The following CNIH3 variants were observed in gnomAD, a reference collection of about 807,000 sequenced individuals.
CNIH3 encodes the protein cornichon family AMPA receptor auxiliary protein 3.
In CNIH3, 14 loss-of-function variants were observed where a neutral mutation model predicts 24.1. That is an observed-to-expected ratio of 0.58 (90% CI 0.38 to 0.91). CNIH3 has a LOEUF of 0.91. Ranked by LOEUF, CNIH3 falls within the 40% of genes least tolerant of loss-of-function variation. CNIH3 has a pLI of 0.00. For synonymous variants in CNIH3, 68 were observed against 73.8 expected (o/e 0.92, Z 0.40); for missense variants, 178 against 196.8 (o/e 0.90, Z 0.57).
At chr1:224,469,988 C>G (rs1308539193) in intron 1 of CNIH3, among the ~76,000 whole-genome samples, 1 of 151,240 alleles carries the variant, frequency 6.6e-6, no homozygotes, top group African/African-American at 2.4e-5. Flanking sequence ...ATAATTTAAA[C>G]TTGGCAGTTC....
At chr1:224,452,587 C>T (rs1168611369) in intron 1 of CNIH3, among the ~76,000 whole-genome samples, 1 of 149,472 alleles carries the variant, frequency 6.7e-6, no homozygotes, top group African/African-American at 2.5e-5. Context: ...TGAGACCATC[C>T]TGGCTAACAC....
chr1:224,628,758 A>T (rs1683668873), intron 1 of CNIH3, among the ~76,000 whole-genome samples: 1 of 152,068 alleles, frequency 6.6e-6, no homozygotes, highest in African/African-American at 2.4e-5. Flanking sequence ...CATGAGGGGA[A>T]GGGAGGTGGG....
At chr1:224,713,212 A>G (rs1688252260) in intron 3 of CNIH3, among the ~76,000 whole-genome samples, 1 of 152,210 alleles carries the variant, frequency 6.6e-6, no homozygotes, top group South Asian at 2.1e-4. Flanking sequence ...TGAAATCATA[A>G]TCAATGCACC....
intron 2 of CNIH3, chr1:224,521,362 G>A (rs892787627): frequency 1.8e-5 from 2 of 111,078 alleles, no homozygotes; most frequent in Non-Finnish European, 3.9e-5. Context: ...GCACATGATA[G>A]GGGTTGTCAC....
upstream of CNIH3, among the ~76,000 whole-genome samples, chr1:224,614,557 G>C (rs1490531450): frequency 6.6e-6 from 1 of 152,162 alleles, no homozygotes; most frequent in East Asian, 1.9e-4. Flanking sequence ...CATGCCTGTA[G>C]TCCTAGCAAG....
chr1:224,565,903 A>G (rs1282885956), intron 3 of CNIH3: 2 of 151,050 alleles, frequency 1.3e-5, no homozygotes, highest in African/African-American at 4.9e-5. Flanking sequence ...TGAATGGACC[A>G]TCTCGGTGAT....
intron 2 of CNIH3, among the ~76,000 whole-genome samples, chr1:224,527,514 A>G (rs1174828329): frequency 1.3e-5 from 2 of 152,222 alleles, no homozygotes; most frequent in African/African-American, 2.4e-5. Context: ...GCGTGTGCTC[A>G]TATCAGGCTG....
intron 1 of CNIH3, among the ~76,000 whole-genome samples, chr1:224,617,457 G>A (rs1683066377): frequency 6.6e-6 from 1 of 152,160 alleles, no homozygotes. Flanking sequence ...AGGGGCCGCT[G>A]GTGCCCAGGT....
chr1:224,596,714 A>G (rs77676078), intron 3 of CNIH3, among the ~76,000 whole-genome samples: 3,963 of 152,296 alleles, frequency 0.026, 175 homozygotes, highest in African/African-American at 0.09. Context: ...CCAAATGACT[A>G]AAACAAGAAG....
rs1397662254 is a variant in CNIH3 at position 224,616,541 on chromosome 1, G to C, written c.-634G>C. On this transcript the variant is annotated 5_prime_UTR_variant, in exon 1 of 6. Coordinates refer to ENST00000272133, the MANE Select transcript of CNIH3 (RefSeq NM_152495.2). Reference sequence around the variant, plus strand: ...GGGACGGGCGCGCCTCGGAGCGCACGGCTGCGCTGGAAGCCGCGTCTGGGG... The same window carrying C: ...GGGACGGGCGCGCCTCGGAGCGCACCGCTGCGCTGGAAGCCGCGTCTGGGG... The C allele has an allele frequency of 5.1e-6, 5 of 986,940 alleles. No individual in the cohort carries two copies. The highest frequency in any genetic ancestry group is 6.0e-6 in the Non-Finnish European group (5 of 830,858). The allele number at this position is 986,940 out of a possible 1,614,324, so 61.1% of individuals were successfully genotyped here.
At chr1:224,506,735 A>G (rs1470445411) in intron 1 of CNIH3, among the ~76,000 whole-genome samples, 3 of 152,092 alleles carry the variant, frequency 2.0e-5, no homozygotes, top group African/African-American at 7.2e-5. Context: ...CCATACTAGA[A>G]CTTCACATAT....
At chr1:224,537,384 A>C (rs1041337727), downstream of CNIH3, 1 of 151,944 alleles carries the variant, frequency 6.6e-6, no homozygotes, top group Non-Finnish European at 1.5e-5. Flanking sequence ...TCCTCTACCC[A>C]CCCCTCACAT....
intron 1 of CNIH3, among the ~76,000 whole-genome samples, chr1:224,502,378 C>T (rs556433451): frequency 6.6e-6 from 1 of 152,278 alleles, no homozygotes; most frequent in South Asian, 2.1e-4. Context: ...AGAAGGGCAG[C>T]CTTTGGAGCC....
intron 2 of CNIH3, chr1:224,546,797 T>A (rs938900880): frequency 3.3e-5 from 20 of 606,262 alleles, no homozygotes; most frequent in Admixed American, 6.3e-5. Context: ...AATAAAACCA[T>A]TCAAGTCTGT....
intron 1 of CNIH3, among the ~76,000 whole-genome samples, chr1:224,441,842 A>G (rs1674928845): frequency 1.3e-5 from 2 of 152,270 alleles, no homozygotes; most frequent in South Asian, 2.1e-4. Context: ...ATAGGCAAAC[A>G]TGAAATATTA....
At chr1:224,637,851 G>C (rs943907605) in intron 1 of CNIH3, among the ~76,000 whole-genome samples, 1 of 152,152 alleles carries the variant, frequency 6.6e-6, no homozygotes, top group Non-Finnish European at 1.5e-5. Flanking sequence ...AACATCATCT[G>C]TCTGCACCCC....
intron 1 of CNIH3, among the ~76,000 whole-genome samples, chr1:224,668,992 C>A (rs1685735767): frequency 6.6e-6 from 1 of 152,164 alleles, no homozygotes; most frequent in Admixed American, 6.5e-5. Flanking sequence ...TCTTCCCAAC[C>A]CCTCCCTCAC....
At chr1:224,440,685 T>C (rs929386825) in intron 1 of CNIH3, among the ~76,000 whole-genome samples, 1 of 152,240 alleles carries the variant, frequency 6.6e-6, no homozygotes, top group African/African-American at 2.4e-5. Context: ...TATTGTTTTC[T>C]CTGGTAGGAA....
chr1:224,636,592 A>G (rs2050626), intron 1 of CNIH3, among the ~76,000 whole-genome samples: 16,255 of 152,230 alleles, frequency 0.11, 1,117 homozygotes, highest in South Asian at 0.26. Flanking sequence ...GAGTTCCTTT[A>G]AGGAGCCAAA....
Sources: allele counts gnomAD v4.1 joint callset (sites outside exome capture counted in the v4.1 genomes callset), GRCh38; gene constraint gnomAD v4.1.1; transcripts MANE v1.5; gene names NCBI Gene and HGNC (gene_info 2026-07-23, HGNC 2026-07-21).